The following CHL1 variants were observed in gnomAD, a reference collection of about 807,000 sequenced individuals.
CHL1 encodes the protein neural cell adhesion molecule L1-like protein.
Under a neutral mutation model 141.9 loss-of-function variants are expected in CHL1, and 96 were observed. That is an observed-to-expected ratio of 0.68 (90% CI 0.57 to 0.80). The LOEUF (loss-of-function observed/expected upper bound fraction) is 0.80, where lower values mean the gene tolerates loss of function less well. CHL1 is among the 30% of genes least tolerant of loss of function. The pLI, the probability that CHL1 is intolerant of heterozygous loss-of-function variation, is 0.00. For missense variants in CHL1, 1,820 were observed against 1,457.2 expected, an observed-to-expected ratio of 1.25 and a Z score of -4.05; for synonymous variants, 613 against 502.2, an observed-to-expected ratio of 1.22 and a Z score of -2.95.
intron 16 of CHL1, among the ~76,000 whole-genome samples, chr3:381,516 A>G (rs993677544): frequency 6.6e-6 from 1 of 152,342 alleles, no homozygotes; most frequent in Middle Eastern, 3.4e-3. Context: ...CAAATGCTAT[A>G]GGCAAAATAG....
At chr3:308,274 A>C (rs1160932896) in intron 2 of CHL1, among the ~76,000 whole-genome samples, 2 of 152,200 alleles carry the variant, frequency 1.3e-5, no homozygotes, top group Non-Finnish European at 1.5e-5. Flanking sequence ...AGGATTTATT[A>C]TGTGTATTTC....
chr3:367,260 C>G (rs781514483), intron 15 of CHL1, among the ~76,000 whole-genome samples: 1 of 152,198 alleles, frequency 6.6e-6, no homozygotes. Flanking sequence ...TCTCCCCTCT[C>G]ATTAATTTTG....
chr3:383,417 T>C (rs1454178898), intron 18 of CHL1, among the ~76,000 whole-genome samples: 1 of 152,184 alleles, frequency 6.6e-6, no homozygotes, highest in East Asian at 1.9e-4. Flanking sequence ...TTTATTCTTC[T>C]ACAGGCAAAT....
chr3:245,777 C>G (rs191483548), intron 2 of CHL1, among the ~76,000 whole-genome samples: 1 of 152,094 alleles, frequency 6.6e-6, no homozygotes, highest in African/African-American at 2.4e-5. Context: ...CCTGGTAACC[C>G]CCAGCGGCCT....
chr3:299,840 A>C (rs1395082691), intron 2 of CHL1, among the ~76,000 whole-genome samples: 2 of 152,152 alleles, frequency 1.3e-5, no homozygotes, highest in African/African-American at 4.8e-5. Flanking sequence ...ACAGGAAAAA[A>C]TAAATCTACG....
At chr3:382,389 G>C (rs913541046) in intron 17 of CHL1, 85 bp from the exon 18 acceptor site, 43 of 1,468,724 alleles carry the variant, frequency 2.9e-5, no homozygotes, top group Non-Finnish European at 4.1e-5. Context: ...ACATCCTTTT[G>C]AACTTTTAAT....
chr3:374,326 A>G (rs1706027044), intron 15 of CHL1, among the ~76,000 whole-genome samples: 1 of 152,112 alleles, frequency 6.6e-6, no homozygotes, highest in African/African-American at 2.4e-5. Flanking sequence ...TGCAATACAG[A>G]TCTCCAGCCT....
At chr3:247,853 A>G (rs1236763403) in intron 2 of CHL1, 2 of 152,112 alleles carry the variant, frequency 1.3e-5, no homozygotes, top group Non-Finnish European at 2.9e-5. Context: ...CATTGTGCAT[A>G]AATAATCGAA....
At chr3:242,476 G>T (rs1159634915) in intron 1 of CHL1, among the ~76,000 whole-genome samples, 8 of 150,868 alleles carry the variant, frequency 5.3e-5, no homozygotes, top group East Asian at 3.9e-4. Flanking sequence ...GGCGCCTGTA[G>T]TCCCAGCTAC....
chr3:199,896 A>G (rs1698759287), intron 1 of CHL1, among the ~76,000 whole-genome samples: 2 of 152,210 alleles, frequency 1.3e-5, no homozygotes, highest in Admixed American at 6.5e-5. Flanking sequence ...TTTAACCGAT[A>G]AAAGAAAATT....
At chr3:205,301 G>A (rs1699326747) in intron 1 of CHL1, among the ~76,000 whole-genome samples, 2 of 151,848 alleles carry the variant, frequency 1.3e-5, no homozygotes, top group South Asian at 2.1e-4. Context: ...TTTTGTAAAG[G>A]TGAGGTTTCA....
In CHL1 at chr3:394,810, C is replaced by T. The variant is rs1312547472; in HGVS notation, c.3032C>T (p.Ala1011Val). ...ACCAAGTACAAATTCTACTTGAGGG[C>T]TTGCACTTCACAGGGCTGTGGAAAA... ...ATTKYKFYLR[A>V]CTSQGCGKPI... Residue 1011 changes from alanine to valine, a missense_variant, in exon 24 of 28, where the codon GCT becomes GTT. By Grantham distance (64) the Ala-to-Val change is moderately conservative (BLOSUM62 0). Transcript: ENST00000256509. 3 of 1,613,928 alleles carry T rather than the reference C, an allele frequency of 1.9e-6. No homozygotes were observed. The highest frequency in any genetic ancestry group is 2.5e-6 in the Non-Finnish European group (3 of 1,179,960).
At chr3:236,593 C>A (rs1195116019) in intron 1 of CHL1, among the ~76,000 whole-genome samples, 1 of 152,122 alleles carries the variant, frequency 6.6e-6, no homozygotes, top group Non-Finnish European at 1.5e-5. Flanking sequence ...TAATATAATT[C>A]TATTGTGTAC....
chr3:273,913 A>C (rs538538505), intron 2 of CHL1, among the ~76,000 whole-genome samples: 2 of 152,320 alleles, frequency 1.3e-5, no homozygotes, highest in African/African-American at 4.8e-5. Flanking sequence ...TGACCACGCC[A>C]TAATTCTGCC....
intron 11 of CHL1, among the ~76,000 whole-genome samples, chr3:358,652 A>G (rs2125246953): frequency 6.6e-6 from 1 of 152,132 alleles, no homozygotes; most frequent in Non-Finnish European, 1.5e-5. Flanking sequence ...GGCAGTGGGG[A>G]CACACTGCAC....
chr3:382,845 T>C (rs553014804), intron 18 of CHL1, 174 bp downstream of exon 18: 1 of 605,362 alleles, frequency 1.7e-6, no homozygotes, highest in South Asian at 2.2e-5. Context: ...TCAGAAGTGT[T>C]ACATACGAGT....
chr3:323,885 A>T (rs973586160), intron 3 of CHL1, among the ~76,000 whole-genome samples: 4 of 152,116 alleles, frequency 2.6e-5, no homozygotes, highest in African/African-American at 9.7e-5. Context: ...GAAAAAAGCA[A>T]TTACAGAGAT....
At position 327,940 on chromosome 3, in the gene CHL1, C is replaced by T. The variant is rs111671770; in HGVS notation, c.198-227C>T. ...AATAAATAATTTTAATTTAAAAAAG[C>T]AAAAGCTAATTTCAATCTTAATCCT... On this transcript the variant is annotated intron_variant, in intron 4 of 27. Transcript: ENST00000256509. 4.6e-3 allele frequency among the ~76,000 whole-genome samples: 692 copies of T among 151,902 alleles called. 10 individuals are homozygous for T. Among genetic ancestry groups the T allele is most frequent in the African/African-American group, 0.016 (662 of 41,496 alleles).
At chr3:281,337 G>A (rs569320993) in intron 2 of CHL1, among the ~76,000 whole-genome samples, 1 of 152,182 alleles carries the variant, frequency 6.6e-6, no homozygotes, top group African/African-American at 2.4e-5. Context: ...ACAATAGAAA[G>A]GGACCTCACA....
Sources: allele counts gnomAD v4.1 joint callset (sites outside exome capture counted in the v4.1 genomes callset), GRCh38; gene constraint gnomAD v4.1.1; transcripts MANE v1.5; gene names NCBI Gene and HGNC (gene_info 2026-07-23, HGNC 2026-07-21).